The following TMEM178B variants were observed in gnomAD, a reference collection of about 807,000 sequenced individuals.
The protein encoded by TMEM178B is transmembrane protein 178B.
Under a neutral mutation model 31.0 loss-of-function variants are expected in TMEM178B, and 5 were observed. The observed-to-expected ratio is 0.16, with a 90% CI of 0.08 to 0.34. TMEM178B has a LOEUF of 0.34. Among genes scored for constraint, TMEM178B ranks in the 10% least tolerant of loss-of-function variants. The probability of loss-of-function intolerance (pLI) is 1.00; values close to 1 mark genes in which losing one functional copy is unlikely to be tolerated. For missense variants in TMEM178B, 275 were observed against 400.3 expected, an observed-to-expected ratio of 0.69 and a Z score of 2.67; for synonymous variants, 164 against 164.0, an observed-to-expected ratio of 1.00 and a Z score of 0.00.
At chr7:141,505,792 G>C in the TMEM178B span, among the ~76,000 whole-genome samples, 1 of 152,202 alleles carries the variant, frequency 6.6e-6, no homozygotes, top group Non-Finnish European at 1.5e-5. Context: ...GCAGTTGGTG[G>C]CCTCTGGCCT....
At chr7:141,343,736 A>G (rs1799559791) in intron 2 of TMEM178B, among the ~76,000 whole-genome samples, 1 of 152,002 alleles carries the variant, frequency 6.6e-6, no homozygotes, top group South Asian at 2.1e-4. Flanking sequence ...TTTTTAGTAG[A>G]GGTGGGGTTT....
chr7:141,345,039 C>T (rs775293423), intron 2 of TMEM178B, among the ~76,000 whole-genome samples: 7 of 152,098 alleles, frequency 4.6e-5, no homozygotes, highest in African/African-American at 1.2e-4. Context: ...ATTAGCATGT[C>T]GCATACAAAT....
chr7:141,323,833 A>T (rs1327764946), intron 2 of TMEM178B, among the ~76,000 whole-genome samples: 2 of 152,218 alleles, frequency 1.3e-5, no homozygotes, highest in African/African-American at 4.8e-5. Flanking sequence ...AAAGTAGCAA[A>T]AAAAGCATGG....
At chr7:141,445,511 G>A (rs1801736826) in intron 3 of TMEM178B, among the ~76,000 whole-genome samples, 1 of 152,138 alleles carries the variant, frequency 6.6e-6, no homozygotes, top group South Asian at 2.1e-4. Context: ...TAAAAGTAAT[G>A]ACAAAAATGG....
At chr7:141,144,877 T>A (rs10237645) in intron 1 of TMEM178B, among the ~76,000 whole-genome samples, 7,977 of 152,174 alleles carry the variant, frequency 0.052, 723 homozygotes, top group African/African-American at 0.18. Context: ...CGTTGCTTTT[T>A]TTCACTGACC....
At position 141,473,985 on chromosome 7, in the gene TMEM178B, ACT is replaced by A; in HGVS notation, c.*3202_*3203del. ...TGACTTGTGAGGCTCTGTAGGTCAGACTCTGCTAACTCCAAATCAAAGTGGAA... is the reference window on the plus strand; with the variant it reads ...TGACTTGTGAGGCTCTGTAGGTCAGACTGCTAACTCCAAATCAAAGTGGAA... On this transcript the variant is annotated 3_prime_UTR_variant, in exon 4 of 4. Coordinates refer to ENST00000565468, the MANE Select transcript of TMEM178B (RefSeq NM_001195278.2). 1 of 152,154 alleles carries A rather than the reference ACT, an allele frequency of 6.6e-6. No homozygotes were observed. Among genetic ancestry groups the A allele is most frequent in the East Asian group, 1.9e-4 (1 of 5,160 alleles). The allele number at this position is 152,154 out of a possible 1,614,324, so 9.4% of individuals were successfully genotyped here. A position where few individuals can be genotyped will look rare whatever the true frequency, so the allele number is the denominator to read the frequency against.
At chr7:141,127,965 C>T (rs531016873) in intron 1 of TMEM178B, among the ~76,000 whole-genome samples, 74 of 152,244 alleles carry the variant, frequency 4.9e-4, no homozygotes, top group Non-Finnish European at 7.9e-4. Flanking sequence ...AGGCCCAACG[C>T]GAACCACAGG....
chr7:141,114,485 T>TCATG (rs1795286925), intron 1 of TMEM178B, among the ~76,000 whole-genome samples: 1 of 152,248 alleles, frequency 6.6e-6, no homozygotes, highest in Non-Finnish European at 1.5e-5. Flanking sequence ...CTGTTGGACT[T>TCATG]CATGCCTGTG....
chr7:141,329,857 A>G (rs562348044), intron 2 of TMEM178B, among the ~76,000 whole-genome samples: 19 of 152,330 alleles, frequency 1.2e-4, no homozygotes, highest in Admixed American at 8.5e-4. Flanking sequence ...AGCTAAAAAC[A>G]ATCTGGCTGG....
intron 1 of TMEM178B, among the ~76,000 whole-genome samples, chr7:141,194,695 C>A (rs2129185356): frequency 6.6e-6 from 1 of 152,314 alleles, no homozygotes; most frequent in South Asian, 2.1e-4. Context: ...TCTCACAGCT[C>A]CACTAGGCGT....
chr7:141,494,414 C>A, the TMEM178B span, among the ~76,000 whole-genome samples: 69 of 152,208 alleles, frequency 4.5e-4, no homozygotes, highest in African/African-American at 1.5e-3. Context: ...TCCTTTTTAG[C>A]CCTAAAATTC....
chr7:141,101,628 C>T (rs565074096), intron 1 of TMEM178B, among the ~76,000 whole-genome samples: 37 of 152,238 alleles, frequency 2.4e-4, no homozygotes, highest in African/African-American at 8.7e-4. Flanking sequence ...TGGCAGCAGC[C>T]GGAGAGACTG....
chr7:141,502,801 C>T, the TMEM178B span, among the ~76,000 whole-genome samples: 1 of 151,272 alleles, frequency 6.6e-6, no homozygotes, highest in South Asian at 2.1e-4. Context: ...GATAAAAAGA[C>T]AGCCATTACT....
chr7:141,499,487 A>C, the TMEM178B span, among the ~76,000 whole-genome samples: 1 of 151,120 alleles, frequency 6.6e-6, no homozygotes. Context: ...AAAAAAAAAA[A>C]ATTCAGCCAG....
At chr7:141,307,244 T>G (rs1284494340) in intron 2 of TMEM178B, among the ~76,000 whole-genome samples, 1 of 152,250 alleles carries the variant, frequency 6.6e-6, no homozygotes, top group Admixed American at 6.5e-5. Context: ...ATCAGACTTT[T>G]TTCCATTTAA....
intron 2 of TMEM178B, among the ~76,000 whole-genome samples, chr7:141,249,742 G>T (rs1252111458): frequency 2.0e-5 from 3 of 152,118 alleles, no homozygotes; most frequent in African/African-American, 7.2e-5. Flanking sequence ...GCTCTAAATG[G>T]GAAGCTTATC....
intron 2 of TMEM178B, among the ~76,000 whole-genome samples, chr7:141,372,815 C>A (rs1475459007): frequency 6.6e-6 from 1 of 152,178 alleles, no homozygotes; most frequent in East Asian, 1.9e-4. Flanking sequence ...ATTAGAGTTA[C>A]TATTAGAGCC....
chr7:141,403,583 A>G (rs897924008), intron 2 of TMEM178B, among the ~76,000 whole-genome samples: 2 of 152,240 alleles, frequency 1.3e-5, no homozygotes, highest in Admixed American at 6.5e-5. Context: ...ATCTTGGGCA[A>G]GATGCTCAAT....
At chr7:141,315,708 C>A (rs993135790) in intron 2 of TMEM178B, among the ~76,000 whole-genome samples, 8 of 152,126 alleles carry the variant, frequency 5.3e-5, no homozygotes, top group African/African-American at 1.9e-4. Flanking sequence ...AAGGCAAGAG[C>A]CTTCCACTTA....
Sources: allele counts gnomAD v4.1 joint callset (sites outside exome capture counted in the v4.1 genomes callset), GRCh38; gene constraint gnomAD v4.1.1; transcripts MANE v1.5; gene names NCBI Gene and HGNC (gene_info 2026-07-23, HGNC 2026-07-21).